POFUT3: variants seen among roughly 807,000 people sequenced by gnomAD.
POFUT3 encodes the protein GDP-fucose protein O-fucosyltransferase 3.
chr8:33,315,143 C>G, the POFUT3 span, among the ~76,000 whole-genome samples: 6 of 152,278 alleles, frequency 3.9e-5, no homozygotes, highest in East Asian at 1.2e-3. Context: ...GTGATTCAGA[C>G]AGCTAACACA....
chr8:33,346,556 T>C, the POFUT3 span, among the ~76,000 whole-genome samples: 1 of 152,230 alleles, frequency 6.6e-6, no homozygotes, highest in Admixed American at 6.5e-5. Flanking sequence ...AACTTTGCTC[T>C]CAATCTGGAC....
chr8:33,309,710 A>G, the POFUT3 span, among the ~76,000 whole-genome samples: 2 of 152,194 alleles, frequency 1.3e-5, no homozygotes, highest in Non-Finnish European at 2.9e-5. Context: ...GTAAAAATAA[A>G]TTAAAATATG....
the POFUT3 span, among the ~76,000 whole-genome samples, chr8:33,423,426 G>A: frequency 6.6e-6 from 1 of 151,768 alleles, no homozygotes. Flanking sequence ...ATGCCACTAT[G>A]CCCAGCTAAT....
At chr8:33,332,146 AAAG>A in the POFUT3 span, among the ~76,000 whole-genome samples, 107 of 148,626 alleles carry the variant, frequency 7.2e-4, no homozygotes, top group East Asian at 0.014. Flanking sequence ...TTGTCTCAGA[AAAG>A]AAGAAGAAGA....
chr8:33,356,510 G>A, the POFUT3 span, among the ~76,000 whole-genome samples: 2 of 151,900 alleles, frequency 1.3e-5, no homozygotes, highest in Non-Finnish European at 2.9e-5. Flanking sequence ...CCCACTTTTT[G>A]ATGGGGTTGT....
the POFUT3 span, among the ~76,000 whole-genome samples, chr8:33,461,886 G>A: frequency 2.1e-4 from 32 of 151,898 alleles, no homozygotes; most frequent in Admixed American, 5.2e-4. Flanking sequence ...AAGGCTGGGC[G>A]TGATGGCTCA....
At chr8:33,317,402 T>C in the POFUT3 span, among the ~76,000 whole-genome samples, 7 of 151,940 alleles carry the variant, frequency 4.6e-5, no homozygotes, top group East Asian at 1.2e-3. Context: ...AACGTTCCTT[T>C]CTGCTGACCC....
the POFUT3 span, among the ~76,000 whole-genome samples, chr8:33,317,999 T>A: frequency 6.6e-6 from 1 of 152,164 alleles, no homozygotes; most frequent in Non-Finnish European, 1.5e-5. Context: ...AACAAATGTC[T>A]GGTGAATAAA....
chr8:33,388,904 A>G, the POFUT3 span: 1 of 1,296,804 alleles, frequency 7.7e-7, no homozygotes, highest in Admixed American at 1.7e-5. Flanking sequence ...AATGCAGGAG[A>G]GCAGAGAACA....
At chr8:33,395,773 C>T in the POFUT3 span, among the ~76,000 whole-genome samples, 1 of 152,160 alleles carries the variant, frequency 6.6e-6, no homozygotes, top group Non-Finnish European at 1.5e-5. Flanking sequence ...CCCCTAGACA[C>T]TGCCGTGGGC....
chr8:33,337,179 C>G, the POFUT3 span, among the ~76,000 whole-genome samples: 58 of 152,122 alleles, frequency 3.8e-4, no homozygotes, highest in Middle Eastern at 6.8e-3. Context: ...GGAAAAGTGG[C>G]TACATTTATT....
At chr8:33,374,422 T>C in the POFUT3 span, among the ~76,000 whole-genome samples, 3 of 152,168 alleles carry the variant, frequency 2.0e-5, no homozygotes, top group Non-Finnish European at 4.4e-5. Flanking sequence ...CTTCAAAAGT[T>C]ATTAAAAATA....
chr8:33,389,532 C>A, the POFUT3 span: 87 of 1,614,018 alleles, frequency 5.4e-5, no homozygotes, highest in Non-Finnish European at 7.1e-5. Context: ...TGTACATACA[C>A]CAGCGGAGCA....
At chr8:33,349,166 T>G in the POFUT3 span, among the ~76,000 whole-genome samples, 1 of 152,196 alleles carries the variant, frequency 6.6e-6, no homozygotes, top group Non-Finnish European at 1.5e-5. Flanking sequence ...CAGTGCCAGA[T>G]AGCTGTAGGA....
At chr8:33,433,471 G>T in the POFUT3 span, among the ~76,000 whole-genome samples, 1 of 152,018 alleles carries the variant, frequency 6.6e-6, no homozygotes, top group East Asian at 1.9e-4. Flanking sequence ...AATTAGCCAG[G>T]CGCGGTGGCA....
the POFUT3 span, among the ~76,000 whole-genome samples, chr8:33,339,811 CTA>C: frequency 6.6e-6 from 1 of 152,092 alleles, no homozygotes; most frequent in Admixed American, 6.6e-5. Context: ...ACCCAGAATC[CTA>C]TATCCAACAA....
chr8:33,424,433 C>T, the POFUT3 span, among the ~76,000 whole-genome samples: 1 of 152,160 alleles, frequency 6.6e-6, no homozygotes, highest in Non-Finnish European at 1.5e-5. Context: ...ACCTGCCATG[C>T]AGAAGCTTCC....
At chr8:33,330,536 C>T in the POFUT3 span, among the ~76,000 whole-genome samples, 1 of 152,120 alleles carries the variant, frequency 6.6e-6, no homozygotes, top group African/African-American at 2.4e-5. Context: ...TGGAAAAGTG[C>T]CTCACACATT....
the POFUT3 span, among the ~76,000 whole-genome samples, chr8:33,345,333 G>A: frequency 6.6e-5 from 10 of 151,730 alleles, no homozygotes; most frequent in African/African-American, 2.4e-4. Context: ...TTAAAACACA[G>A]GTCTGCCATC....
Sources: gnomAD v4.1 joint callset for allele counts (sites outside exome capture counted in the v4.1 genomes callset) on GRCh38, gnomAD v4.1.1 for gene constraint, MANE v1.5 for transcripts, NCBI Gene and HGNC (gene_info 2026-07-23, HGNC 2026-07-21) for gene names.